Variants in RAB3C observed in about 807,000 individuals in gnomAD.
RAB3C encodes ras-related protein Rab-3C.
RAB3C carries 17 observed loss-of-function variants against 26.4 expected under a neutral mutation model. The ratio of observed to expected loss-of-function variants is 0.64; its 90% CI spans 0.44 to 0.97. The LOEUF (loss-of-function observed/expected upper bound fraction) is 0.97. RAB3C is among the 50% of genes least tolerant of loss of function. The pLI, the probability that RAB3C is intolerant of heterozygous loss-of-function variation, is 0.00. For synonymous variants in RAB3C, 91 were observed against 95.9 expected (o/e 0.95, Z 0.30); for missense variants, 242 against 281.9 (o/e 0.86, Z 1.01).
intron 2 of RAB3C, among the ~76,000 whole-genome samples, chr5:58,695,296 T>C (rs1480804491): frequency 1.3e-5 from 2 of 152,218 alleles, no homozygotes; most frequent in Non-Finnish European, 2.9e-5. Flanking sequence ...TCTGTTTTGG[T>C]ACCATACCAT....
intron 3 of RAB3C, among the ~76,000 whole-genome samples, chr5:58,735,434 G>A (rs1741111769): frequency 6.6e-6 from 1 of 152,152 alleles, no homozygotes; most frequent in Non-Finnish European, 1.5e-5. Context: ...ACAAACTGTA[G>A]AATTATAATT....
chr5:58,682,448 G>A (rs903252073), intron 2 of RAB3C, among the ~76,000 whole-genome samples: 1 of 152,152 alleles, frequency 6.6e-6, no homozygotes, highest in African/African-American at 2.4e-5. Flanking sequence ...ACTTTGGGAG[G>A]CTGAGGCAGG....
chr5:58,822,284 CT>C (rs1243511214), intron 3 of RAB3C, among the ~76,000 whole-genome samples: 1 of 152,246 alleles, frequency 6.6e-6, no homozygotes, highest in African/African-American at 2.4e-5. Flanking sequence ...ACATTTGCCA[CT>C]TTACTGGCTG....
intron 2 of RAB3C, among the ~76,000 whole-genome samples, chr5:58,665,939 A>G (rs1209006095): frequency 2.0e-5 from 3 of 152,182 alleles, no homozygotes; most frequent in African/African-American, 4.8e-5. Context: ...TGTAGGAGTC[A>G]GTGGGAAACG....
At chr5:58,686,572 A>G (rs1184720007) in intron 2 of RAB3C, among the ~76,000 whole-genome samples, 1 of 152,058 alleles carries the variant, frequency 6.6e-6, no homozygotes, top group Non-Finnish European at 1.5e-5. Flanking sequence ...ATGACTGATT[A>G]TGGCTTGTGA....
Position 58,853,551 on chromosome 5 carries a change from C to A in RAB3C, c.*2200C>A, listed in dbSNP as rs1744161397. Reference sequence around the variant, plus strand: ...GAGCAGAGTTTTGCTCTGCTGAAAACCCCTTCCCTGAAGAACTGATTGCTG... The same window carrying A: ...GAGCAGAGTTTTGCTCTGCTGAAAAACCCTTCCCTGAAGAACTGATTGCTG... On this transcript the variant is annotated 3_prime_UTR_variant, in exon 5 of 5. Coordinates refer to ENST00000282878, the MANE Select transcript of RAB3C (RefSeq NM_138453.4). 1 of 152,104 alleles carries A rather than the reference C, an allele frequency of 6.6e-6. No individual in the cohort carries two copies. The highest frequency in any genetic ancestry group is 2.4e-5 in the African/African-American group (1 of 41,424). 9.4% of individuals were successfully genotyped at this position (152,104 alleles called of 1,614,324 possible).
chr5:58,734,292 G>C (rs1326253687), intron 3 of RAB3C, among the ~76,000 whole-genome samples: 2 of 151,950 alleles, frequency 1.3e-5, no homozygotes, highest in Non-Finnish European at 2.9e-5. Context: ...AAGTTAGCCT[G>C]CCAATAACAA....
intron 3 of RAB3C, among the ~76,000 whole-genome samples, chr5:58,795,447 A>G (rs1328149375): frequency 6.6e-6 from 1 of 152,174 alleles, no homozygotes; most frequent in Non-Finnish European, 1.5e-5. Flanking sequence ...CTCAGAACTC[A>G]GGCCATAGGA....
At chr5:58,622,967 T>C (rs1746967412) in intron 2 of RAB3C, among the ~76,000 whole-genome samples, 1 of 152,236 alleles carries the variant, frequency 6.6e-6, no homozygotes, top group South Asian at 2.1e-4. Flanking sequence ...TTTTAATTCA[T>C]AGCAAGTACT....
intron 3 of RAB3C, among the ~76,000 whole-genome samples, chr5:58,764,317 T>C (rs1232308504): frequency 6.6e-6 from 1 of 152,202 alleles, no homozygotes; most frequent in African/African-American, 2.4e-5. Flanking sequence ...TCCTAATGCA[T>C]GACGATGTAC....
chr5:58,612,493 T>TGC, intron 1 of RAB3C, among the ~76,000 whole-genome samples: 1 of 66,370 alleles, frequency 1.5e-5, no homozygotes, highest in African/African-American at 8.7e-5. Flanking sequence ...CCTAGGTGTG[T>TGC]GTGTGTGTGT....
intron 2 of RAB3C, 124 bp downstream of exon 2, chr5:58,617,994 T>C: frequency 1.6e-6 from 1 of 634,284 alleles, no homozygotes; most frequent in South Asian, 2.0e-5. Flanking sequence ...TCCAGCTTCT[T>C]TGCTGCAGAA....
chr5:58,813,985 C>T (rs963691094), intron 3 of RAB3C, among the ~76,000 whole-genome samples: 1 of 152,122 alleles, frequency 6.6e-6, no homozygotes, highest in Non-Finnish European at 1.5e-5. Flanking sequence ...CAGAGATAAC[C>T]TGGAAAGCTG....
chr5:58,839,540 T>G (rs1468321181), intron 4 of RAB3C, among the ~76,000 whole-genome samples: 1 of 151,930 alleles, frequency 6.6e-6, no homozygotes, highest in East Asian at 1.9e-4. Context: ...CCGGCTAATT[T>G]TGTATTTTTA....
intron 3 of RAB3C, among the ~76,000 whole-genome samples, chr5:58,748,143 A>G (rs1057358067): frequency 2.6e-5 from 4 of 151,976 alleles, no homozygotes; most frequent in Non-Finnish European, 1.5e-5. Context: ...AGAATTCTTA[A>G]AAGGCACATA....
At chr5:58,592,509 T>A (rs532390412) in intron 1 of RAB3C, among the ~76,000 whole-genome samples, 1 of 152,302 alleles carries the variant, frequency 6.6e-6, no homozygotes, top group East Asian at 1.9e-4. Context: ...GTCTTTCACC[T>A]ATGTACCATT....
At chr5:58,724,733 A>G (rs116816491) in intron 2 of RAB3C, among the ~76,000 whole-genome samples, 2,248 of 151,906 alleles carry the variant, frequency 0.015, 42 homozygotes, top group African/African-American at 0.051. Context: ...AAAAATCATT[A>G]GGACATAAAA....
At chr5:58,701,255 C>T (rs1350341918) in intron 2 of RAB3C, among the ~76,000 whole-genome samples, 4 of 152,168 alleles carry the variant, frequency 2.6e-5, no homozygotes, top group African/African-American at 9.7e-5. Context: ...CCCGCCTTGG[C>T]CTCCCAAGGT....
At chr5:58,592,420 A>G (rs1056848152) in intron 1 of RAB3C, among the ~76,000 whole-genome samples, 4 of 152,142 alleles carry the variant, frequency 2.6e-5, no homozygotes, top group African/African-American at 4.8e-5. Context: ...TCTCCAATAA[A>G]GTTTTATAAT....
Sources: gnomAD v4.1 joint callset for allele counts (sites outside exome capture counted in the v4.1 genomes callset) on GRCh38, gnomAD v4.1.1 for gene constraint, MANE v1.5 for transcripts, NCBI Gene and HGNC (gene_info 2026-07-23, HGNC 2026-07-21) for gene names.